Variants in TFDP2 observed in about 807,000 individuals in gnomAD.
TFDP2 encodes transcription factor Dp-2, also known as transcription factor Dp-2 (E2F dimerization partner 2).
TFDP2 carries 17 observed loss-of-function variants against 59.3 expected under a neutral mutation model. That is an observed-to-expected ratio of 0.29 (90% CI 0.20 to 0.43). The LOEUF (loss-of-function observed/expected upper bound fraction) is 0.43, where lower values mean the gene tolerates loss of function less well. TFDP2 is among the 20% of genes least tolerant of loss of function. TFDP2 has a pLI of 1.00. For missense variants in TFDP2, 391 were observed against 528.8 expected (o/e 0.74, Z 2.56); for synonymous variants, 180 against 194.7 (o/e 0.92, Z 0.63).
intron 3 of TFDP2, among the ~76,000 whole-genome samples, chr3:142,047,185 G>A (rs1947382953): frequency 6.6e-6 from 1 of 152,140 alleles, no homozygotes; most frequent in African/African-American, 2.4e-5. Flanking sequence ...TGTAGCAACT[G>A]AGAAAAGAAA....
intron 3 of TFDP2, among the ~76,000 whole-genome samples, chr3:142,087,503 C>CTTT (rs377083897): frequency 7.0e-6 from 1 of 142,006 alleles, no homozygotes; most frequent in African/African-American, 2.6e-5. Flanking sequence ...TACTTCTTTT[C>CTTT]TTTTTTTTTT....
At chr3:141,999,697 G>A (rs530238262) in intron 4 of TFDP2, among the ~76,000 whole-genome samples, 1 of 152,118 alleles carries the variant, frequency 6.6e-6, no homozygotes, top group South Asian at 2.1e-4. Context: ...ACAAAAAGAA[G>A]GCTAAGAAGC....
intron 3 of TFDP2, among the ~76,000 whole-genome samples, chr3:142,085,402 T>C (rs2060779763): frequency 6.7e-6 from 1 of 148,634 alleles, no homozygotes; most frequent in African/African-American, 2.6e-5. Flanking sequence ...ACATCTATTA[T>C]GTACCCACAA....
intron 10 of TFDP2, among the ~76,000 whole-genome samples, chr3:141,962,962 T>G (rs1339637794): frequency 1.3e-5 from 2 of 152,192 alleles, no homozygotes; most frequent in Non-Finnish European, 2.9e-5. Context: ...TAAAAAACAC[T>G]TACCTCAAGT....
At chr3:142,141,576 C>T (rs1443407767) in intron 1 of TFDP2, among the ~76,000 whole-genome samples, 1 of 152,116 alleles carries the variant, frequency 6.6e-6, no homozygotes, top group Non-Finnish European at 1.5e-5. Flanking sequence ...TGTAATCCAG[C>T]ACTTTGGGAG....
chr3:142,121,769 C>G lies in TFDP2; in HGVS notation c.-92-19928G>C, dbSNP rs1363575617. Among the ~76,000 whole-genome samples, 3 of 151,828 alleles carry G rather than the reference C, an allele frequency of 2.0e-5. No individual in the cohort carries two copies. The highest frequency in any genetic ancestry group is 7.3e-5 in the African/African-American group (3 of 41,316). Reference sequence around the variant, plus strand: ...TCCCAGCACTTCTGGGATGCTGAGGCGGACGGAACACCTGAGGTCAGGAGT... The same window carrying G: ...TCCCAGCACTTCTGGGATGCTGAGGGGGACGGAACACCTGAGGTCAGGAGT... On this transcript the variant is annotated intron_variant, in intron 1 of 12. Coordinates refer to ENST00000489671, the MANE Select transcript of TFDP2 (RefSeq NM_001178139.2). This position sits in a 1 kb window ranked among gnomAD's most constrained non-coding sequence, Gnocchi z 4.3.
chr3:142,012,292 G>A (rs557803212), intron 3 of TFDP2, among the ~76,000 whole-genome samples: 4 of 152,136 alleles, frequency 2.6e-5, no homozygotes, highest in Non-Finnish European at 4.4e-5. Context: ...GATCATAGGC[G>A]TGAGCCACCA....
intron 4 of TFDP2, chr3:142,000,483 G>C: frequency 2.1e-6 from 1 of 482,514 alleles, no homozygotes; most frequent in South Asian, 4.1e-5. Flanking sequence ...TACCACCACA[G>C]TAGGGATTAG....
chr3:141,961,830 A>G (rs1490693914), intron 10 of TFDP2, among the ~76,000 whole-genome samples: 2 of 152,192 alleles, frequency 1.3e-5, no homozygotes, highest in African/African-American at 2.4e-5. Context: ...CCTGGCTACT[A>G]GGAAGGCTGA....
At chr3:142,018,382 C>T (rs1421933755) in intron 3 of TFDP2, among the ~76,000 whole-genome samples, 3 of 152,278 alleles carry the variant, frequency 2.0e-5, no homozygotes, top group East Asian at 1.9e-4. Context: ...ACCCACATTA[C>T]TTGTATCAAC....
At chr3:142,068,003 TA>T (rs750432367) in intron 3 of TFDP2, among the ~76,000 whole-genome samples, 2,111 of 115,832 alleles carry the variant, frequency 0.018, 10 homozygotes, top group African/African-American at 0.02. Flanking sequence ...GACTCTAGCT[TA>T]AAAAAAAAAA....
Position 142,000,188 on chromosome 3 carries a change from T to A in TFDP2, c.187-5047A>T, listed in dbSNP as rs1309625528. Reference sequence around the variant, plus strand: ...AGACTGGGTAATTAATTAATTTTCTTTAAAGTCTTCTGCAAGGAGTACAAA... The same window carrying A: ...AGACTGGGTAATTAATTAATTTTCTATAAAGTCTTCTGCAAGGAGTACAAA... On this transcript the variant is annotated intron_variant, in intron 4 of 12. Transcript: ENST00000489671. 3 of 674,292 alleles carry A rather than the reference T, an allele frequency of 4.4e-6. No homozygotes were observed. The East Asian group carries it at 8.1e-5, about 18-fold the overall frequency. 41.8% of individuals were successfully genotyped at this position (674,292 alleles called of 1,614,324 possible).
rs148532629 is a variant in TFDP2, at chr3:142,006,172, C to T, written c.83-628G>A. ...AATTTCAAATTAACATAGCAAACTG[C>T]TACCAAGAAAATTCCCCCCAAAAGG... On this transcript the variant is annotated intron_variant, in intron 3 of 12. Coordinates refer to ENST00000489671, the MANE Select transcript of TFDP2 (RefSeq NM_001178139.2). 1.8e-4 allele frequency among the ~76,000 whole-genome samples: 28 copies of T among 152,238 alleles called. No individual in the cohort carries two copies. The East Asian group carries it at 3.7e-3, about 20-fold the overall frequency.
intron 3 of TFDP2, among the ~76,000 whole-genome samples, chr3:142,082,280 C>G (rs1055120173): frequency 2.0e-5 from 3 of 152,160 alleles, no homozygotes; most frequent in African/African-American, 7.2e-5. Flanking sequence ...AAAACAAGCT[C>G]AGGGCTCCCA....
chr3:142,004,286 G>A (rs1307963618), intron 4 of TFDP2, among the ~76,000 whole-genome samples: 3 of 152,178 alleles, frequency 2.0e-5, no homozygotes, highest in African/African-American at 7.2e-5. Context: ...TGTCTAGAAT[G>A]TGTCCTGAAG....
chr3:141,963,163 C>T (rs1014368380), intron 10 of TFDP2, among the ~76,000 whole-genome samples: 2 of 152,052 alleles, frequency 1.3e-5, no homozygotes, highest in Non-Finnish European at 2.9e-5. Context: ...TGGTCACAGC[C>T]TGAAGACCAC....
At chr3:142,045,490 C>G (rs758898300) in intron 3 of TFDP2, among the ~76,000 whole-genome samples, 1 of 151,864 alleles carries the variant, frequency 6.6e-6, no homozygotes, top group African/African-American at 2.4e-5. Flanking sequence ...ATAAATCCCA[C>G]GATGCCTTTA....
chr3:142,032,676 C>T (rs1946491860), intron 3 of TFDP2, among the ~76,000 whole-genome samples: 1 of 152,174 alleles, frequency 6.6e-6, no homozygotes, highest in African/African-American at 2.4e-5. Flanking sequence ...CTAGGTTCCT[C>T]ATCCTTGTTA....
At chr3:142,026,653 T>C (rs918600357) in intron 3 of TFDP2, among the ~76,000 whole-genome samples, 1 of 152,236 alleles carries the variant, frequency 6.6e-6, no homozygotes, top group Non-Finnish European at 1.5e-5. Flanking sequence ...AAAGTTGTAA[T>C]GTGTATACAC....
Sources: allele counts gnomAD v4.1 joint callset (sites outside exome capture counted in the v4.1 genomes callset), GRCh38; gene constraint gnomAD v4.1.1; non-coding constraint Gnocchi (gnomAD v3.1); transcripts MANE v1.5; gene names NCBI Gene and HGNC (gene_info 2026-07-23, HGNC 2026-07-21).